Variants in SEMA5B observed in about 807,000 individuals in gnomAD.
SEMA5B encodes semaphorin 5B.
A neutral mutation model predicts 135.0 loss-of-function variants in SEMA5B; 66 were observed. The ratio of observed to expected loss-of-function variants is 0.49; its 90% CI spans 0.40 to 0.60. The LOEUF is 0.60. SEMA5B is among the 20% of genes least tolerant of loss of function. SEMA5B has a pLI of 0.00. For synonymous variants in SEMA5B, 690 were observed against 639.5 expected (o/e 1.08, Z -1.19); for missense variants, 1,501 against 1,566.3 (o/e 0.96, Z 0.70).
intron 3 of SEMA5B, among the ~76,000 whole-genome samples, chr3:122,948,098 A>G (rs540582424): frequency 1.3e-5 from 2 of 152,188 alleles, no homozygotes; most frequent in Non-Finnish European, 2.9e-5. Flanking sequence ...GTTTCCCAAG[A>G]CCCTAAAGAG....
chr3:122,927,071 C>A (rs1398001111), intron 8 of SEMA5B, among the ~76,000 whole-genome samples: 1 of 152,188 alleles, frequency 6.6e-6, no homozygotes, highest in African/African-American at 2.4e-5. Flanking sequence ...GCAATTTTCA[C>A]CATCACTTTT....
chr3:122,990,069 A>C (rs937045075), intron 1 of SEMA5B, among the ~76,000 whole-genome samples: 5 of 152,186 alleles, frequency 3.3e-5, no homozygotes, highest in Non-Finnish European at 7.3e-5. Context: ...ATCTGCTGAA[A>C]TGGATCACAC....
intron 1 of SEMA5B, among the ~76,000 whole-genome samples, chr3:123,015,915 C>T (rs1255909039): frequency 6.6e-6 from 1 of 152,208 alleles, no homozygotes; most frequent in African/African-American, 2.4e-5. Context: ...GGCCACCATG[C>T]GATGTCTGGG....
rs958883812 is a variant in SEMA5B at position 122,915,570 on chromosome 3, G to T, written c.1858C>A (p.Pro620Thr). Residue 620 changes from proline to threonine, a missense_variant, in exon 14 of 23, where the codon CCA (proline) becomes ACA (threonine). Physicochemically the swap from Pro to Thr is conservative, Grantham distance 38. Coordinates refer to ENST00000357599, the MANE Select transcript of SEMA5B (RefSeq NM_001031702.4). ...TTGTCCCCATCCAAGTGCTCACATG[G>T]TTGCCATGGTGACCATGGGCCGAAG... ...GGFGPWSPWQ[P>T]CEHLDGDNSG... The T allele has an allele frequency of 1.9e-6, 3 of 1,614,054 alleles. No homozygotes were observed. The highest frequency in any genetic ancestry group is 2.5e-6 in the Non-Finnish European group (3 of 1,179,932).
chr3:122,917,545 G>T (rs759130320), intron 12 of SEMA5B, among the ~76,000 whole-genome samples: 1 of 152,278 alleles, frequency 6.6e-6, no homozygotes, highest in Non-Finnish European at 1.5e-5. Context: ...GGGTTCAATA[G>T]ATCATGTCAG....
At chr3:122,938,634 C>T (rs1029153067) in intron 5 of SEMA5B, among the ~76,000 whole-genome samples, 10 of 152,192 alleles carry the variant, frequency 6.6e-5, no homozygotes, top group African/African-American at 1.7e-4. Context: ...CTTATAGTCT[C>T]GTGGCCCCCT....
rs769028093 is a variant in SEMA5B at position 122,913,335 on chromosome 3, G to A, written c.2370C>T (p.Gly790=). Residue 790 remains glycine (G), a synonymous_variant, in exon 17 of 23, where the codon GGC becomes GGT. Coordinates refer to ENST00000357599, the MANE Select transcript of SEMA5B (RefSeq NM_001031702.4). ...TPWLPVNVTQ[G]GARQEQRFRF... ...GGAACCGCTGCTCCTGCCGTGCCCC[G>A]CCCTGCGTCACGTTCACGGGCAGCC... The A allele has an allele frequency of 7.0e-6, 11 of 1,578,480 alleles. No homozygotes were observed. The African/African-American group carries it at 8.1e-5, about 12-fold the overall frequency.
At chr3:122,984,790 G>A (rs1254691621) in intron 1 of SEMA5B, among the ~76,000 whole-genome samples, 1 of 152,074 alleles carries the variant, frequency 6.6e-6, no homozygotes, top group Non-Finnish European at 1.5e-5. Flanking sequence ...CTTCAGAGAA[G>A]GAAAGAGGAA....
chr3:122,995,748 G>A (rs1942009089), intron 1 of SEMA5B, among the ~76,000 whole-genome samples: 2 of 152,198 alleles, frequency 1.3e-5, no homozygotes, highest in African/African-American at 4.8e-5. Context: ...AATTGGCTGG[G>A]CTGCTGGTCT....
chr3:122,926,260 G>A (rs989250291), intron 9 of SEMA5B, 132 bp downstream of exon 9: 3 of 871,754 alleles, frequency 3.4e-6, no homozygotes, highest in Admixed American at 5.5e-5. Context: ...GAAGCAGTAA[G>A]TCACAAAATC....
intron 2 of SEMA5B, among the ~76,000 whole-genome samples, chr3:122,953,630 C>T (rs935898829): frequency 1.6e-4 from 24 of 152,166 alleles, no homozygotes; most frequent in African/African-American, 3.9e-4. Context: ...CAATTACCTT[C>T]GCTCCAGGTG....
intron 1 of SEMA5B, among the ~76,000 whole-genome samples, chr3:122,999,495 G>A (rs1296082744): frequency 6.6e-6 from 1 of 152,034 alleles, no homozygotes; most frequent in African/African-American, 2.4e-5. Context: ...AAAGTGCTGG[G>A]ATTACAGGAG....
At chr3:122,958,492 G>A (rs371421480) in intron 2 of SEMA5B, among the ~76,000 whole-genome samples, 2 of 152,178 alleles carry the variant, frequency 1.3e-5, no homozygotes, top group South Asian at 4.1e-4. Flanking sequence ...CCCACAAGTG[G>A]GCTTCTCCGT....
Position 122,943,516 on chromosome 3 carries a change from A to G in SEMA5B, c.348T>C (p.Ser116=), listed in dbSNP as rs773833300. 28 of 1,609,000 alleles carry G rather than the reference A, an allele frequency of 1.7e-5. No individual in the cohort carries two copies. The highest frequency in any genetic ancestry group is 2.4e-5 in the Non-Finnish European group (28 of 1,178,452). ...CCCGGGCTCCAGGGTAGGTGAAGTT[A>G]GAGACCCACGGCTGCAGGTCTGGTG... ...VAFEDLQPWV[S]NFTYPGARDF... Residue 116 remains serine, a synonymous_variant, in exon 4 of 23, where the codon TCT becomes TCC. Transcript: ENST00000357599.
intron 1 of SEMA5B, among the ~76,000 whole-genome samples, chr3:122,981,453 G>T (rs933313156): frequency 3.3e-5 from 5 of 152,252 alleles, no homozygotes; most frequent in Non-Finnish European, 5.9e-5. Flanking sequence ...AAACCAACAG[G>T]TAGGGCCCCA....
At chr3:122,955,081 T>A (rs759112829) in intron 2 of SEMA5B, among the ~76,000 whole-genome samples, 1 of 151,846 alleles carries the variant, frequency 6.6e-6, no homozygotes, top group South Asian at 2.1e-4. Flanking sequence ...GGATTGCAGG[T>A]GTTGAGCCTA....
At chr3:122,976,247 C>T (rs1941316856) in intron 1 of SEMA5B, 4 of 1,302,768 alleles carry the variant, frequency 3.1e-6, no homozygotes, top group Non-Finnish European at 4.1e-6. Flanking sequence ...GTTTAAAATG[C>T]AAATTCTCAG....
At chr3:123,025,210 G>A (rs906171316) in intron 1 of SEMA5B, among the ~76,000 whole-genome samples, 26 of 152,164 alleles carry the variant, frequency 1.7e-4, no homozygotes, top group African/African-American at 6.0e-4. Context: ...GGGAAAGGAG[G>A]TGCTGGCTGT....
intron 1 of SEMA5B, among the ~76,000 whole-genome samples, chr3:123,023,602 G>A (rs1332713072): frequency 6.6e-6 from 1 of 152,132 alleles, no homozygotes; most frequent in Non-Finnish European, 1.5e-5. Context: ...TTGGAACTAG[G>A]AAACAGCTAA....
Sources: gnomAD v4.1 joint callset for allele counts (sites outside exome capture counted in the v4.1 genomes callset) on GRCh38, gnomAD v4.1.1 for gene constraint, MANE v1.5 for transcripts, NCBI Gene and HGNC (gene_info 2026-07-23, HGNC 2026-07-21) for gene names.